The following VWF variants were observed in gnomAD, a reference collection of about 807,000 sequenced individuals.
The protein encoded by VWF is Factor VIII related antigen.
A neutral mutation model predicts 308.6 loss-of-function variants in VWF; 176 were observed. That is an observed-to-expected ratio of 0.57 (90% CI 0.50 to 0.65). The LOEUF is 0.65. VWF is among the 30% of genes least tolerant of loss of function. VWF has a pLI of 0.00. For synonymous variants in VWF, 1,385 were observed against 1,443.4 expected (o/e 0.96, Z 0.92); for missense variants, 3,146 against 3,648.2 (o/e 0.86, Z 3.55).
Position 6,075,183 on chromosome 12 carries a change from TG to T in VWF, c.874+151del, listed in dbSNP as rs1314611975. 1 of 968,200 alleles carries T rather than the reference TG, an allele frequency of 1.0e-6. No homozygotes were observed. Among genetic ancestry groups the T allele is most frequent in the Non-Finnish European group, 1.6e-6 (1 of 643,484 alleles). The allele number at this position is 968,200 out of a possible 1,614,324, so 60.0% of individuals were successfully genotyped here. A position where few individuals can be genotyped will look rare whatever the true frequency, so the allele number is the denominator to read the frequency against. On this transcript the variant is annotated intron_variant, in intron 7 of 51. Transcript: ENST00000261405. This position sits in a 1 kb window ranked among gnomAD's most constrained non-coding sequence, Gnocchi z 4.7. ...CAGAGGGCAGGAGCCATTCAGGAAA[TG>T]GGTCCGGGACACGTGGCTTTGTAGT...
At chr12:6,094,717 C>T (rs1259863771) in intron 6 of VWF, among the ~76,000 whole-genome samples, 1 of 150,496 alleles carries the variant, frequency 6.6e-6, no homozygotes, top group Non-Finnish European at 1.5e-5. Context: ...TACTTTTTTT[C>T]TTTTTTTTTA....
Position 6,109,483 on chromosome 12 carries a change from T to C in VWF, c.532+891A>G, listed in dbSNP as rs149674583. ...TATTTTCCAATATGGTACATTCCAATGAAAGGAAGAGTCAATTGTTTCTCT... is the reference window on the plus strand; with the variant it reads ...TATTTTCCAATATGGTACATTCCAACGAAAGGAAGAGTCAATTGTTTCTCT... On this transcript the variant is annotated intron_variant, in intron 5 of 51. Coordinates refer to ENST00000261405, the MANE Select transcript of VWF (RefSeq NM_000552.5). Among the ~76,000 whole-genome samples, 22 of 152,178 alleles carry C rather than the reference T, an allele frequency of 1.4e-4. No homozygotes were observed. In the East Asian group the frequency reaches 3.5e-3, roughly 24 times the overall value.
chr12:5,957,230 C>T (rs1468553846), intron 47 of VWF, among the ~76,000 whole-genome samples: 1 of 152,154 alleles, frequency 6.6e-6, no homozygotes, highest in Non-Finnish European at 1.5e-5. Flanking sequence ...ATGTGCACTC[C>T]ACGATCTTTG....
At chr12:5,989,581 G>T (rs1457918831) in intron 38 of VWF, among the ~76,000 whole-genome samples, 1 of 151,786 alleles carries the variant, frequency 6.6e-6, no homozygotes, top group Non-Finnish European at 1.5e-5. Flanking sequence ...TTTATAAGAC[G>T]GTTTCTACAT....
chr12:6,110,555 C>G lies in VWF; in HGVS notation c.351G>C (p.Gly117=), dbSNP rs1386749220. The part of the protein sequence containing the change: ...QRVSMPYASK[G]LYLETEAGYY... ...ACCCAGCCTCAGTTTCTAGATACAG[C>G]CCTTTGGAGGCATAGGGCATGGAGA... The change falls in exon 5 of 52, where the codon GGG becomes GGC. Residue 117 remains glycine, a synonymous_variant. Coordinates refer to ENST00000261405, the MANE Select transcript of VWF (RefSeq NM_000552.5). 6.2e-7 allele frequency: 1 copy of G among 1,614,010 alleles called. No homozygotes were observed. Among genetic ancestry groups the G allele is most frequent in the African/African-American group, 1.3e-5 (1 of 74,898 alleles).
chr12:6,116,373 G>A (rs1001565067), intron 3 of VWF, among the ~76,000 whole-genome samples: 10 of 152,184 alleles, frequency 6.6e-5, no homozygotes, highest in Admixed American at 1.3e-4. Context: ...TGGAACTACC[G>A]TCAGACCTGG....
chr12:6,031,736 C>T (rs781012328), intron 20 of VWF, among the ~76,000 whole-genome samples, 158 bp from the exon 21 acceptor site: 8 of 142,892 alleles, frequency 5.6e-5, no homozygotes, highest in South Asian at 2.3e-4. Flanking sequence ...GTCTGGGGGA[C>T]GGGGGATATG....
chr12:6,103,411 C>CACACGTGTGTGTATACACGTGTGTGTAT (rs1162620676), intron 5 of VWF, among the ~76,000 whole-genome samples: 2 of 99,570 alleles, frequency 2.0e-5, no homozygotes, highest in Admixed American at 8.9e-5. Flanking sequence ...TGTGTGTATA[C>CACACGTGTGTGTATACACGTGTGTGTAT]ACACGTGTGT....
At chr12:5,959,186 C>T (rs891819417) in intron 47 of VWF, among the ~76,000 whole-genome samples, 4 of 151,522 alleles carry the variant, frequency 2.6e-5, no homozygotes, top group African/African-American at 4.9e-5. Context: ...CAGGCCTGGG[C>T]GACACAGTGA....
At chr12:6,057,745 G>T in intron 14 of VWF, 104 bp downstream of exon 14, 1 of 1,355,098 alleles carries the variant, frequency 7.4e-7, no homozygotes, top group Non-Finnish European at 9.9e-7. Context: ...CTCGCTCCCC[G>T]CCCCCGCCCT....
intron 43 of VWF, among the ~76,000 whole-genome samples, chr12:5,973,733 T>C (rs116100957): frequency 2.5e-3 from 381 of 152,346 alleles, no homozygotes; most frequent in African/African-American, 8.9e-3. Flanking sequence ...CTGAGGAGTA[T>C]CACAGAGTAA....
At chr12:6,048,928 G>A (rs866099865) in intron 16 of VWF, among the ~76,000 whole-genome samples, 10 of 152,064 alleles carry the variant, frequency 6.6e-5, no homozygotes, top group African/African-American at 2.2e-4. Context: ...ACCCGCCCCC[G>A]TAAATGTCAT....
At chr12:6,110,071 C>T (rs1272894795) in intron 5 of VWF, among the ~76,000 whole-genome samples, 2 of 152,186 alleles carry the variant, frequency 1.3e-5, no homozygotes, top group Non-Finnish European at 2.9e-5. Flanking sequence ...TTATCCACTC[C>T]ACTGTAGTGG....
rs768885457 is a variant in VWF, at chr12:6,123,172, C to G, written c.25G>C (p.Val9Leu). 1.9e-6 allele frequency: 3 copies of G among 1,614,206 alleles called. No homozygotes were observed. In the South Asian group the frequency reaches 3.3e-5, roughly 18 times the overall value. MIPARFAG[V>L]LLALALILPG... ...AAAATGAGGGCCAGAGCAAGCAGCA[C>G]CCCGGCAAATCTGGCAGGAATCATC... Residue 9 changes from valine to leucine, a missense_variant, in exon 2 of 52, where the codon GTG (valine) becomes CTG (leucine). Around this residue, in one of 3 missense-constraint regions of VWF, gnomAD observed 1,304 missense variants for 1,353.0 expected, o/e 0.96. Transcript: ENST00000261405.
At chr12:6,094,162 C>T (rs1945079342) in intron 6 of VWF, among the ~76,000 whole-genome samples, 1 of 152,218 alleles carries the variant, frequency 6.6e-6, no homozygotes, top group South Asian at 2.1e-4. Context: ...TTGATCTCAG[C>T]CCAGGGAAAC....
At position 6,052,800 on chromosome 12, in the gene VWF, A is replaced by AAGT. The variant is rs386375482; in HGVS notation, c.1946-20_1946-18dup. 1.1e-5 allele frequency: 18 copies of AAGT among 1,611,258 alleles called. No individual in the cohort carries two copies. Among genetic ancestry groups the AAGT allele is most frequent in the South Asian group, 3.3e-5 (3 of 90,708 alleles). The stretch of plus-strand genomic sequence containing the variant: ...AGTTCAGCTCTAGAAGAGAGAGGAG[A>AAGT]AGTAAGGCCTCAGCGGGAATGTTGG... On this transcript the variant is annotated splice_polypyrimidine_tract_variant and intron_variant, in intron 15 of 51. Coordinates refer to ENST00000261405, the MANE Select transcript of VWF (RefSeq NM_000552.5).
intron 5 of VWF, chr12:6,095,812 G>A (rs1945099897): frequency 1.9e-6 from 1 of 530,176 alleles, no homozygotes; most frequent in Non-Finnish European, 3.4e-6. Flanking sequence ...GGCTTGGCTG[G>A]TTCACCCCTC....
At chr12:6,035,215 G>A (rs2136431093) in intron 19 of VWF, among the ~76,000 whole-genome samples, 2 of 152,360 alleles carry the variant, frequency 1.3e-5, no homozygotes, top group South Asian at 4.1e-4. Context: ...ACACACTGAT[G>A]TTGAAAGCCT....
chr12:5,969,341 A>G lies in VWF; in HGVS notation c.7599T>C (p.Cys2533=). 1 of 1,614,240 alleles carries G rather than the reference A, an allele frequency of 6.2e-7. No individual in the cohort carries two copies. The highest frequency in any genetic ancestry group is 8.5e-7 in the Non-Finnish European group (1 of 1,180,044). The change falls in exon 45 of 52, where the codon TGT becomes TGC. Residue 2533 remains cysteine, a synonymous_variant. Coordinates refer to ENST00000261405, the MANE Select transcript of VWF (RefSeq NM_000552.5). ...SPENPCLINE[C]VRVKEEVFIQ... is the part of the protein sequence containing the mutation. ...TAAAGACCTCCTCCTTCACTCGGAC[A>G]CACTCATTGATGAGGCAGGGGTTCT...
Sources: allele counts gnomAD v4.1 joint callset (sites outside exome capture counted in the v4.1 genomes callset), GRCh38; gene constraint gnomAD v4.1.1; regional missense constraint gnomAD v4.1.1; non-coding constraint Gnocchi (gnomAD v3.1); transcripts MANE v1.5; gene names NCBI Gene and HGNC (gene_info 2026-07-23, HGNC 2026-07-21).